GALNTL6: variants seen among roughly 807,000 people sequenced by gnomAD.
GALNTL6 encodes the protein polypeptide N-acetylgalactosaminyltransferase-like 6.
In GALNTL6, 46 loss-of-function variants were observed where a neutral mutation model predicts 73.7. The observed-to-expected ratio is 0.62, with a 90% CI of 0.49 to 0.80. The LOEUF (loss-of-function observed/expected upper bound fraction) is 0.80. Ranked by LOEUF, GALNTL6 falls within the 30% of genes least tolerant of loss-of-function variation. GALNTL6 has a pLI of 0.00. For missense variants in GALNTL6, 604 were observed against 755.0 expected (o/e 0.80, Z 2.34); for synonymous variants, 259 against 263.7 (o/e 0.98, Z 0.17).
chr4:171,872,468 T>G (rs1221001456), intron 2 of GALNTL6, among the ~76,000 whole-genome samples: 1 of 152,210 alleles, frequency 6.6e-6, no homozygotes, highest in Non-Finnish European at 1.5e-5. Flanking sequence ...AGAAAGGGAC[T>G]TCATTCATCT....
At chr4:172,276,643 C>G (rs1738842013) in intron 3 of GALNTL6, among the ~76,000 whole-genome samples, 1 of 152,034 alleles carries the variant, frequency 6.6e-6, no homozygotes, top group Admixed American at 6.6e-5. Flanking sequence ...CTGCAATGAT[C>G]ACTTTAACTT....
intron 2 of GALNTL6, among the ~76,000 whole-genome samples, chr4:171,893,627 G>T (rs566753837): frequency 3.5e-4 from 53 of 152,194 alleles, no homozygotes; most frequent in Non-Finnish European, 6.9e-4. Context: ...ACATGCCACA[G>T]CTAGTTGGGA....
chr4:171,988,730 G>A (rs982105045), intron 2 of GALNTL6, among the ~76,000 whole-genome samples: 7 of 152,188 alleles, frequency 4.6e-5, no homozygotes, highest in Admixed American at 2.0e-4. Flanking sequence ...ACAGGTGAGT[G>A]ATAACAGGCT....
At chr4:172,742,476 T>C (rs919608979) in intron 5 of GALNTL6, among the ~76,000 whole-genome samples, 1 of 151,478 alleles carries the variant, frequency 6.6e-6, no homozygotes, top group Admixed American at 6.6e-5. Context: ...ATCTGTTTCA[T>C]ACTGAACACA....
chr4:172,285,007 G>T (rs1209654519), intron 3 of GALNTL6, among the ~76,000 whole-genome samples: 1 of 152,144 alleles, frequency 6.6e-6, no homozygotes, highest in African/African-American at 2.4e-5. Flanking sequence ...AATAGGGATT[G>T]CAGTAGATCT....
At position 172,581,465 on chromosome 4, in the gene GALNTL6, T is replaced by A. The variant is rs117694574; in HGVS notation, c.554-227896T>A. Among the ~76,000 whole-genome samples the A allele has an allele frequency of 1.8e-3, 278 of 152,322 alleles. 7 individuals carry two copies. In the East Asian group the frequency reaches 0.047, roughly 26 times the overall value. ...GGCAGCCTGCCCTTGTTACTCCCCA[T>A]GTAGACAGCCCCCAGGACTCCACAA... On this transcript the variant is annotated intron_variant, in intron 5 of 12. Coordinates refer to ENST00000506823, the MANE Select transcript of GALNTL6 (RefSeq NM_001034845.3).
intron 2 of GALNTL6, among the ~76,000 whole-genome samples, chr4:171,867,055 T>C (rs925016483): frequency 6.6e-6 from 1 of 152,100 alleles, no homozygotes; most frequent in Admixed American, 6.6e-5. Context: ...GTAAAATACT[T>C]TTATAATATA....
intron 7 of GALNTL6, among the ~76,000 whole-genome samples, chr4:172,867,210 G>GGACT (rs1470684836): frequency 6.6e-6 from 1 of 152,120 alleles, no homozygotes; most frequent in Non-Finnish European, 1.5e-5. Context: ...GCATAAACCA[G>GGACT]GACTGCCTAG....
intron 5 of GALNTL6, among the ~76,000 whole-genome samples, chr4:172,353,404 T>C (rs1742033188): frequency 6.6e-6 from 1 of 152,196 alleles, no homozygotes; most frequent in Admixed American, 6.5e-5. Context: ...GCTGTTTGTT[T>C]ATACTATTTA....
intron 2 of GALNTL6, among the ~76,000 whole-genome samples, chr4:171,973,353 A>G (rs529842799): frequency 6.6e-6 from 1 of 152,350 alleles, no homozygotes; most frequent in South Asian, 2.1e-4. Flanking sequence ...TCTGCAGTCT[A>G]GAACTTTGAC....
chr4:172,039,313 G>A (rs1222245725), intron 2 of GALNTL6, among the ~76,000 whole-genome samples: 1 of 152,030 alleles, frequency 6.6e-6, no homozygotes, highest in Admixed American at 6.6e-5. Context: ...CTTGATATTT[G>A]TTCTTCAGCC....
At chr4:172,546,984 A>G (rs538899422) in intron 5 of GALNTL6, among the ~76,000 whole-genome samples, 46 of 151,520 alleles carry the variant, frequency 3.0e-4, no homozygotes, top group Non-Finnish European at 6.0e-4. Flanking sequence ...TATGCGTTCA[A>G]CAATAGCTCC....
chr4:171,983,751 G>T (rs1739984954), intron 2 of GALNTL6, among the ~76,000 whole-genome samples: 1 of 152,058 alleles, frequency 6.6e-6, no homozygotes, highest in Non-Finnish European at 1.5e-5. Context: ...GAAATGTGGG[G>T]GTTAGAGTCT....
intron 2 of GALNTL6, among the ~76,000 whole-genome samples, chr4:172,128,707 T>C (rs1183538439): frequency 6.6e-6 from 1 of 152,220 alleles, no homozygotes; most frequent in Non-Finnish European, 1.5e-5. Context: ...ATTTTTCTTT[T>C]GTTATAAGAA....
At chr4:172,828,306 C>G (rs1478532586) in intron 7 of GALNTL6, among the ~76,000 whole-genome samples, 1 of 148,104 alleles carries the variant, frequency 6.8e-6, no homozygotes, top group Non-Finnish European at 1.5e-5. Flanking sequence ...ACAAAAAAAA[C>G]ATTGAAGTGC....
At chr4:172,963,997 G>T (rs1750208365) in intron 10 of GALNTL6, among the ~76,000 whole-genome samples, 1 of 152,204 alleles carries the variant, frequency 6.6e-6, no homozygotes, top group African/African-American at 2.4e-5. Flanking sequence ...TAGGCAAGGA[G>T]AGTGGGTAGA....
At chr4:172,976,310 GAAGTT>G (rs1470502408) in intron 10 of GALNTL6, among the ~76,000 whole-genome samples, 2 of 152,330 alleles carry the variant, frequency 1.3e-5, no homozygotes, top group Admixed American at 6.5e-5. Flanking sequence ...CTATTTAGAA[GAAGTT>G]AAGTAGCTAA....
intron 3 of GALNTL6, among the ~76,000 whole-genome samples, chr4:172,234,092 T>A (rs1276112079): frequency 6.6e-6 from 1 of 152,074 alleles, no homozygotes; most frequent in Non-Finnish European, 1.5e-5. Context: ...TTAACACTGA[T>A]ATGAATTTAG....
At chr4:171,880,427 C>T (rs1196391359) in intron 2 of GALNTL6, among the ~76,000 whole-genome samples, 2 of 152,178 alleles carry the variant, frequency 1.3e-5, no homozygotes, top group African/African-American at 4.8e-5. Context: ...ATTCCTTATT[C>T]TGCTCTTCAC....
Sources: gnomAD v4.1 joint callset for allele counts (sites outside exome capture counted in the v4.1 genomes callset) on GRCh38, gnomAD v4.1.1 for gene constraint, MANE v1.5 for transcripts, NCBI Gene and HGNC (gene_info 2026-07-23, HGNC 2026-07-21) for gene names.